KHDRBS2: variants seen among roughly 807,000 people sequenced by gnomAD.
KHDRBS2 encodes the protein KH RNA binding domain containing, signal transduction associated 2, also known as KH domain-containing, RNA-binding, signal transduction-associated protein 2.
Under a neutral mutation model 44.3 loss-of-function variants are expected in KHDRBS2, and 26 were observed. The observed-to-expected ratio is 0.59, with a 90% confidence interval of 0.43 to 0.81. The LOEUF is 0.81. Among genes scored for constraint, KHDRBS2 ranks in the 40% least tolerant of loss-of-function variants. KHDRBS2 has a pLI of 0.00. For missense variants in KHDRBS2, 476 were observed against 433.1 expected (o/e 1.10, Z -0.88); for synonymous variants, 194 against 151.1 (o/e 1.28, Z -2.08).
intron 7 of KHDRBS2, among the ~76,000 whole-genome samples, chr6:61,705,791 C>T (rs1336534576): frequency 6.6e-6 from 1 of 151,790 alleles, no homozygotes; most frequent in East Asian, 2.0e-4. Context: ...TCTCAGCACC[C>T]TCTCAATCCC....
chr6:61,619,437 T>TTTTGTTTG, the KHDRBS2 span, among the ~76,000 whole-genome samples: 3 of 151,224 alleles, frequency 2.0e-5, no homozygotes, highest in African/African-American at 7.3e-5. Context: ...AATACATTAT[T>TTTTGTTTG]TTTGTTTGTT....
chr6:61,818,266 TAAAAAAA>T (rs60399147), intron 6 of KHDRBS2, among the ~76,000 whole-genome samples: 3 of 114,492 alleles, frequency 2.6e-5, no homozygotes, highest in Non-Finnish European at 5.6e-5. Context: ...CCTCTGTAAG[TAAAAAAA>T]AAAAAAAAAA....
intron 7 of KHDRBS2, among the ~76,000 whole-genome samples, chr6:61,703,313 T>C (rs1394403835): frequency 1.2e-4 from 18 of 151,822 alleles, no homozygotes; most frequent in Admixed American, 7.9e-4. Context: ...TTATTGCATA[T>C]ATTTATGGTT....
rs142735576 is a variant in KHDRBS2 at position 62,149,843 on chromosome 6, A to G, written c.219+27342T>C. ...TATCTTTCACCAGCATTTCATCAGC[A>G]TAGGCCTAAATTAGACAAAGTTGTG... On this transcript the variant is annotated intron_variant, in intron 2 of 8. Transcript: ENST00000281156. Among the ~76,000 whole-genome samples, 102 of 152,310 alleles carry G rather than the reference A, an allele frequency of 6.7e-4. 3 individuals are homozygous for G. Among genetic ancestry groups the G allele is most frequent in the African/African-American group, 2.3e-3 (96 of 41,580 alleles).
intron 6 of KHDRBS2, among the ~76,000 whole-genome samples, chr6:61,839,346 T>A (rs1195608134): frequency 3.9e-5 from 6 of 152,028 alleles, no homozygotes; most frequent in Admixed American, 2.6e-4. Flanking sequence ...AAATACTCTG[T>A]GCCTTACAAG....
At chr6:61,638,887 G>A in the KHDRBS2 span, among the ~76,000 whole-genome samples, 33 of 152,016 alleles carry the variant, frequency 2.2e-4, no homozygotes, top group Admixed American at 9.9e-4. Flanking sequence ...TAAATGTGTC[G>A]AGTTGTTGTT....
chr6:61,566,607 C>T, the KHDRBS2 span, among the ~76,000 whole-genome samples: 1 of 152,100 alleles, frequency 6.6e-6, no homozygotes, highest in African/African-American at 2.4e-5. Context: ...AAAAGGAGAG[C>T]TTAAAGGTTA....
At chr6:61,553,069 AGGAATAAT>A in the KHDRBS2 span, among the ~76,000 whole-genome samples, 1 of 152,228 alleles carries the variant, frequency 6.6e-6, no homozygotes, top group African/African-American at 2.4e-5. Context: ...TAGCTTCCAT[AGGAATAAT>A]ACTTGCTCTT....
chr6:61,721,311 T>C (rs140068833), intron 7 of KHDRBS2, among the ~76,000 whole-genome samples: 1,729 of 152,246 alleles, frequency 0.011, 32 homozygotes, highest in African/African-American at 0.04. Context: ...TCCAATTCTG[T>C]GAAGAAAGTC....
chr6:61,640,605 C>G, the KHDRBS2 span, among the ~76,000 whole-genome samples: 2 of 152,066 alleles, frequency 1.3e-5, no homozygotes. Flanking sequence ...AACTGTCTGG[C>G]TTAAGAAGGT....
intron 3 of KHDRBS2, among the ~76,000 whole-genome samples, chr6:62,041,116 A>C (rs1786387855): frequency 1.3e-5 from 2 of 152,046 alleles, no homozygotes; most frequent in Admixed American, 6.6e-5. Context: ...AGATCACCTG[A>C]GGTCGGGAGT....
the KHDRBS2 span, among the ~76,000 whole-genome samples, chr6:61,643,903 G>A: frequency 4.5e-4 from 69 of 152,214 alleles, 1 homozygote; most frequent in African/African-American, 1.4e-3. Context: ...CAGATTCAAT[G>A]CTATTCCTAT....
At chr6:61,880,197 CAATAGAGACAGTCAAGATTTA>C (rs1309691514) in intron 6 of KHDRBS2, among the ~76,000 whole-genome samples, 2 of 151,622 alleles carry the variant, frequency 1.3e-5, no homozygotes, top group Non-Finnish European at 1.5e-5. Context: ...ACAGATAAGA[CAATAGAGACAGTCAAGATTTA>C]AGATAGTTTT....
chr6:62,026,105 G>A (rs1055866578), intron 3 of KHDRBS2, among the ~76,000 whole-genome samples: 10 of 151,910 alleles, frequency 6.6e-5, no homozygotes, highest in African/African-American at 2.4e-4. Context: ...GAGAACTATA[G>A]GTTTAATTCT....
chr6:62,200,641 C>T (rs1319055258), intron 1 of KHDRBS2, among the ~76,000 whole-genome samples: 3 of 152,040 alleles, frequency 2.0e-5, no homozygotes, highest in Admixed American at 6.6e-5. Flanking sequence ...TTGGTGGGAC[C>T]ATAAACTAGT....
At chr6:62,002,489 G>A (rs1778439410) in intron 3 of KHDRBS2, among the ~76,000 whole-genome samples, 1 of 151,208 alleles carries the variant, frequency 6.6e-6, no homozygotes, top group Non-Finnish European at 1.5e-5. Flanking sequence ...ATTAATAATA[G>A]TTATAAAATT....
chr6:61,988,121 A>G (rs533732573), intron 3 of KHDRBS2, among the ~76,000 whole-genome samples: 1 of 152,212 alleles, frequency 6.6e-6, no homozygotes, highest in Non-Finnish European at 1.5e-5. Flanking sequence ...TGGGTTTACT[A>G]GAGAATAGGA....
At chr6:62,129,526 C>T (rs1809767159) in intron 2 of KHDRBS2, among the ~76,000 whole-genome samples, 1 of 152,018 alleles carries the variant, frequency 6.6e-6, no homozygotes, top group Non-Finnish European at 1.5e-5. Flanking sequence ...TTTTTAATGG[C>T]TTAAATATCT....
intron 3 of KHDRBS2, among the ~76,000 whole-genome samples, chr6:62,008,688 G>C (rs1000902904): frequency 3.3e-5 from 5 of 152,124 alleles, no homozygotes; most frequent in Admixed American, 3.3e-4. Context: ...ATTGAACTAT[G>C]GGGGTGGGTC....
Sources: gnomAD v4.1 joint callset for allele counts (sites outside exome capture counted in the v4.1 genomes callset) on GRCh38, gnomAD v4.1.1 for gene constraint, MANE v1.5 for transcripts, NCBI Gene and HGNC (gene_info 2026-07-23, HGNC 2026-07-21) for gene names.